The following CASKIN2 variants were observed in gnomAD, a reference collection of about 807,000 sequenced individuals.
CASKIN2 encodes caskin-2.
In CASKIN2, 41 loss-of-function variants were observed where a neutral mutation model predicts 107.1. That is an observed-to-expected ratio of 0.38 (90% CI 0.30 to 0.50). The LOEUF (loss-of-function observed/expected upper bound fraction) is 0.50. Among genes scored for constraint, CASKIN2 ranks in the 20% least tolerant of loss-of-function variants. The pLI, the probability that CASKIN2 is intolerant of heterozygous loss-of-function variation, is 0.92. For missense variants in CASKIN2, 1,546 were observed against 1,657.4 expected, an observed-to-expected ratio of 0.93 and a Z score of 1.17; for synonymous variants, 724 against 705.6, an observed-to-expected ratio of 1.03 and a Z score of -0.41.
intron 17 of CASKIN2, 26 bp downstream of exon 17, chr17:75,503,363 C>G (rs1015548751): frequency 4.4e-6 from 7 of 1,601,042 alleles, no homozygotes; most frequent in Non-Finnish European, 6.0e-6. Flanking sequence ...GGTGGGGGCC[C>G]AGCCAGGCCT....
In CASKIN2 at chr17:75,506,737, G is replaced by C. The variant is rs1046091174; in HGVS notation, c.487-24C>G. The C allele has an allele frequency of 6.2e-7, 1 of 1,613,668 alleles. No homozygotes were observed. Among genetic ancestry groups the C allele is most frequent in the Non-Finnish European group, 8.5e-7 (1 of 1,179,986 alleles). On this transcript the variant is annotated intron_variant, in intron 6 of 19. Transcript: ENST00000321617. This position sits in a 1 kb window ranked among gnomAD's most constrained non-coding sequence, Gnocchi z 4.8. ...ACCTGCAGCACCCAGTGCCCAGTTA[G>C]AGCCTCCTCCTGAGACCCTGTAGAT...
In CASKIN2 at chr17:75,513,733, C is replaced by T. The variant is rs375886004; in HGVS notation, c.72G>A (p.Ala24=). 18 of 1,612,548 alleles carry T rather than the reference C, an allele frequency of 1.1e-5. No homozygotes were observed. Among genetic ancestry groups the T allele is most frequent in the Admixed American group, 8.3e-5 (5 of 59,944 alleles). Residue 24 remains alanine (A), a synonymous_variant, in exon 2 of 20, where the codon GCG becomes GCA. Coordinates refer to ENST00000321617, the MANE Select transcript of CASKIN2 (RefSeq NM_020753.5). ...CACTTGTCTTTGTGGCCTTGACCTT[C>T]GCCACCAGTTTCTGCACACCGGTCA... ...GDVTGVQKLV[A]KVKATKTKLL...
At chr17:75,511,918 C>T (rs2053319247) in intron 2 of CASKIN2, among the ~76,000 whole-genome samples, 2 of 151,940 alleles carry the variant, frequency 1.3e-5, no homozygotes. Context: ...CAAGGCCCCA[C>T]TGGGCAGGTT....
In CASKIN2 at chr17:75,506,454, A is replaced by T; in HGVS notation, c.618-41T>A. 2 of 1,285,768 alleles carry T rather than the reference A, an allele frequency of 1.6e-6. No individual in the cohort carries two copies. Among genetic ancestry groups the T allele is most frequent in the Non-Finnish European group, 2.1e-6 (2 of 954,632 alleles). The allele number at this position is 1,285,768 out of a possible 1,614,324, so 79.6% of individuals were successfully genotyped here. The stretch of plus-strand genomic sequence containing the variant: ...GGAGTCACGGGGGAGGTGGCGTAGG[A>T]GGGGGTGCTGACTGCTGGGGGCCTG... On this transcript the variant is annotated intron_variant, in intron 7 of 19. Transcript: ENST00000321617. The surrounding 1 kb of genome is among the most constrained non-coding windows in gnomAD (Gnocchi z 4.8).
chr17:75,509,498 G>T, intron 2 of CASKIN2: 2 of 894,548 alleles, frequency 2.2e-6, no homozygotes, highest in Non-Finnish European at 2.7e-6. Context: ...GGGCCAAACT[G>T]AAGGACACTG....
rs376757873 is a variant in CASKIN2 at position 75,502,893 on chromosome 17, G to A, written c.2181C>T (p.Pro727=). 2 of 1,544,642 alleles carry A rather than the reference G, an allele frequency of 1.3e-6. No individual in the cohort carries two copies. Among genetic ancestry groups the A allele is most frequent in the Non-Finnish European group, 8.7e-7 (1 of 1,145,082 alleles). ...TGCCCTCTGGGAGGTTCCTCTCCTGGGGGGGGCTGGGATCTCCACCGCTGG... is the reference window on the plus strand; with the variant it reads ...TGCCCTCTGGGAGGTTCCTCTCCTGAGGGGGGCTGGGATCTCCACCGCTGG... ...PQPSGGDPSP[P]QERNLPEGTE... Residue 727 remains proline, a synonymous_variant, in exon 18 of 20, where the codon CCC becomes CCT. Transcript: ENST00000321617. The surrounding 1 kb of genome is among the most constrained non-coding windows in gnomAD (Gnocchi z 4.3).
chr17:75,501,968 G>A lies in CASKIN2; in HGVS notation c.3106C>T (p.Leu1036Phe). Reference sequence around the variant, plus strand: ...AGGCTGCTGGGCTCGGGCTGGGGAAGGCTAGAAGCTGGAGGAGACTCGCCA... The same window carrying A: ...AGGCTGCTGGGCTCGGGCTGGGGAAAGCTAGAAGCTGGAGGAGACTCGCCA... The part of the protein sequence containing the change: ...TPGESPPASS[L>F]PQPEPSSLPA... Residue 1036 changes from leucine to phenylalanine, a missense_variant, in exon 18 of 20, where the codon CTT becomes TTT. Leu to Phe is a conservative substitution (Grantham distance 22, BLOSUM62 0). Transcript: ENST00000321617. 6.2e-7 allele frequency: 1 copy of A among 1,610,254 alleles called. No individual in the cohort carries two copies.
At position 75,505,917 on chromosome 17, in the gene CASKIN2, C is replaced by T. The variant is rs574015948; in HGVS notation, c.739G>A (p.Val247Met). 5.0e-5 allele frequency: 81 copies of T among 1,613,470 alleles called. No individual in the cohort carries two copies. The highest frequency in any genetic ancestry group is 6.2e-5 in the Non-Finnish European group (73 of 1,179,894). ...TGGTTATACGTATTCCGGATGTTCACGTCCACACCTCCCTGGGTGCACAGT... is the reference window on the plus strand; with the variant it reads ...TGGTTATACGTATTCCGGATGTTCATGTCCACACCTCCCTGGGTGCACAGT... ...VRLLLEGGVD[V>M]NIRNTYNQTA... The change falls in exon 9 of 20, where the codon GTG (valine) becomes ATG (methionine). Residue 247 changes from valine to methionine, a missense_variant. Val to Met is a conservative substitution (Grantham distance 21). This residue lies in a region of CASKIN2 where 62 missense variants were observed against 81.1 expected (regional missense o/e 0.76). Coordinates refer to ENST00000321617, the MANE Select transcript of CASKIN2 (RefSeq NM_020753.5). This position sits in a 1 kb window ranked among gnomAD's most constrained non-coding sequence, Gnocchi z 5.1.
At position 75,505,438 on chromosome 17, in the gene CASKIN2, G is replaced by A; in HGVS notation, c.930+119C>T. ...GCACTGCCTTCCCTGGCTTTAAGAA[G>A]AATTAAATGAGGGTGCATATAGAGA... is the stretch of plus-strand genomic sequence containing the variant. On this transcript the variant is annotated intron_variant, in intron 10 of 19. Transcript: ENST00000321617. The surrounding 1 kb of genome is among the most constrained non-coding windows in gnomAD (Gnocchi z 5.1). 3.4e-6 allele frequency: 3 copies of A among 895,374 alleles called. No homozygotes were observed. The highest frequency in any genetic ancestry group is 5.4e-6 in the Non-Finnish European group (3 of 552,616). The allele number at this position is 895,374 out of a possible 1,614,324, so 55.5% of individuals were successfully genotyped here. A position where few individuals can be genotyped will look rare whatever the true frequency, so the allele number is the denominator to read the frequency against.
rs61690695 is a variant in CASKIN2 at position 75,504,221 on chromosome 17, C to CCCTGAGGCCCACGGTGCACCCCGTGGA, written c.1460_1461insTCCACGGGGTGCACCGTGGGCCTCAGG (p.Glu487delinsAspProArgGlyAlaProTrpAlaSerGly). On this transcript the variant is annotated protein_altering_variant, in exon 14 of 20. Coordinates refer to ENST00000321617, the MANE Select transcript of CASKIN2 (RefSeq NM_020753.5). ...CACCCCGTGGAGGTCACACCTTCCC[C>CCCTGAGGCCCACGGTGCACCCCGTGGA]TCCAGCAGCTGTTCTGGCCGCACGT... is the stretch of plus-strand genomic sequence containing the variant. 1.9e-6 allele frequency: 3 copies of CCCTGAGGCCCACGGTGCACCCCGTGGA among 1,586,056 alleles called. No individual in the cohort carries two copies. The highest frequency in any genetic ancestry group is 1.8e-5 in the Admixed American group (1 of 56,802).
At chr17:75,504,382 C>T in intron 13 of CASKIN2, 38 bp downstream of exon 13, 1 of 1,599,898 alleles carries the variant, frequency 6.3e-7, no homozygotes, top group Middle Eastern at 1.7e-4. Flanking sequence ...CTTACTTGCA[C>T]CTCTCCTAGC....
At chr17:75,510,811 C>G (rs546901305) in intron 2 of CASKIN2, among the ~76,000 whole-genome samples, 1 of 152,018 alleles carries the variant, frequency 6.6e-6, no homozygotes, top group East Asian at 2.0e-4. Flanking sequence ...AGGCCAGTCT[C>G]AAACTCCTAG....
rs1469809925 is a variant in CASKIN2 at position 75,514,189 on chromosome 17, G to A, written c.-385C>T. The A allele has an allele frequency of 8.0e-6, 4 of 501,212 alleles. No individual in the cohort carries two copies. The highest frequency in any genetic ancestry group is 3.8e-5 in the African/African-American group (2 of 52,182). 31.0% of individuals were successfully genotyped at this position (501,212 alleles called of 1,614,324 possible). Reference sequence around the variant, plus strand: ...ATTCCCTTGGGCCTCAGGCAGCAGCGGTGCACTGGTCTCAGGGCTCTGGAA... The same window carrying A: ...ATTCCCTTGGGCCTCAGGCAGCAGCAGTGCACTGGTCTCAGGGCTCTGGAA... On this transcript the variant is annotated 5_prime_UTR_variant, in exon 2 of 20. Transcript: ENST00000321617.
At position 75,501,077 on chromosome 17, in the gene CASKIN2, G is replaced by T; in HGVS notation, c.*3C>A. 1 of 1,566,392 alleles carries T rather than the reference G, an allele frequency of 6.4e-7. No homozygotes were observed. The highest frequency in any genetic ancestry group is 8.7e-7 in the Non-Finnish European group (1 of 1,155,562). On this transcript the variant is annotated 3_prime_UTR_variant, in exon 20 of 20. Transcript: ENST00000321617. Reference sequence around the variant, plus strand: ...CAGGTCACAGTGGGCACTGCTGGAGGGCTCAGTCCAGCATGGCGTCCAGCT... The same window carrying T: ...CAGGTCACAGTGGGCACTGCTGGAGTGCTCAGTCCAGCATGGCGTCCAGCT...
rs758780357 is a variant in CASKIN2 at position 75,507,119 on chromosome 17, C to T, written c.255G>A (p.Pro85=). 11 of 1,607,924 alleles carry T rather than the reference C, an allele frequency of 6.8e-6. No homozygotes were observed. The highest frequency in any genetic ancestry group is 2.2e-5 in the East Asian group (1 of 44,782). Residue 85 remains proline, a synonymous_variant, in exon 5 of 20, where the codon CCG becomes CCA. Coordinates refer to ENST00000321617, the MANE Select transcript of CASKIN2 (RefSeq NM_020753.5). ...VDIKDSNGMR[P]LHYAAWQGRL... ...GGCCCTGCCAGGCTGCGTAGTGCAG[C>T]GGGCGCATGCCTGGCAGGAGGAAAG...
intron 2 of CASKIN2, among the ~76,000 whole-genome samples, chr17:75,510,534 C>T (rs2053308005): frequency 6.6e-6 from 1 of 151,908 alleles, no homozygotes; most frequent in South Asian, 2.1e-4. Flanking sequence ...GAGTCCCAGG[C>T]CCTCTGTGAT....
Position 75,506,768 on chromosome 17 carries a change from G to A in CASKIN2, c.486+31C>T. The A allele has an allele frequency of 6.2e-7, 1 of 1,613,828 alleles. No individual in the cohort carries two copies. The highest frequency in any genetic ancestry group is 1.1e-5 in the South Asian group (1 of 91,080). ...CCTCCTGAGACCCTGTAGATGTCCAGGACCCAGCACCCCAAGGCTGCAGGC... is the reference window on the plus strand; with the variant it reads ...CCTCCTGAGACCCTGTAGATGTCCAAGACCCAGCACCCCAAGGCTGCAGGC... On this transcript the variant is annotated intron_variant, in intron 6 of 19. Transcript: ENST00000321617. The surrounding 1 kb of genome is among the most constrained non-coding windows in gnomAD (Gnocchi z 4.8).
Position 75,501,346 on chromosome 17 carries a change from G to A in CASKIN2, c.3518+122C>T. On this transcript the variant is annotated intron_variant, in intron 19 of 19. Coordinates refer to ENST00000321617, the MANE Select transcript of CASKIN2 (RefSeq NM_020753.5). ...CTGATCTAGGTGATTTCAACACCTGGCCTCTTATCCCGTTAGTGCCTGCAA... is the reference window on the plus strand; with the variant it reads ...CTGATCTAGGTGATTTCAACACCTGACCTCTTATCCCGTTAGTGCCTGCAA... 3.2e-6 allele frequency: 4 copies of A among 1,262,082 alleles called. No homozygotes were observed. In the Admixed American group the frequency reaches 6.1e-5, roughly 19 times the overall value. 78.2% of individuals were successfully genotyped at this position (1,262,082 alleles called of 1,614,324 possible). A position where few individuals can be genotyped will look rare whatever the true frequency, so the allele number is the denominator to read the frequency against.
chr17:75,513,649 AC>A, intron 2 of CASKIN2, 61 bp downstream of exon 2: 1 of 903,290 alleles, frequency 1.1e-6, no homozygotes, highest in Non-Finnish European at 1.8e-6. Context: ...ACCCCCACCC[AC>A]CAAGCCTCTG....
Sources: allele counts gnomAD v4.1 joint callset (sites outside exome capture counted in the v4.1 genomes callset), GRCh38; gene constraint gnomAD v4.1.1; regional missense constraint gnomAD v4.1.1; non-coding constraint Gnocchi (gnomAD v3.1); transcripts MANE v1.5; gene names NCBI Gene and HGNC (gene_info 2026-07-23, HGNC 2026-07-21).